The following NTRK3 variants were observed in gnomAD, a reference collection of about 807,000 sequenced individuals.
NTRK3 encodes the protein neurotrophic receptor tyrosine kinase 3.
Under a neutral mutation model 91.7 loss-of-function variants are expected in NTRK3, and 24 were observed. That is an observed-to-expected ratio of 0.26 (90% CI 0.19 to 0.37). The LOEUF (loss-of-function observed/expected upper bound fraction) is 0.37, where lower values mean the gene tolerates loss of function less well. Among genes scored for constraint, NTRK3 ranks in the 10% least tolerant of loss-of-function variants. The pLI, the probability that NTRK3 is intolerant of heterozygous loss-of-function variation, is 1.00. For missense variants in NTRK3, 880 were observed against 1,068.9 expected, an observed-to-expected ratio of 0.82 and a Z score of 2.46; for synonymous variants, 483 against 404.0, an observed-to-expected ratio of 1.20 and a Z score of -2.34.
intron 3 of NTRK3, among the ~76,000 whole-genome samples, chr15:88,202,890 C>G (rs1483317315): frequency 6.6e-6 from 1 of 152,216 alleles, no homozygotes; most frequent in Non-Finnish European, 1.5e-5. Flanking sequence ...ATGCCACTGG[C>G]CAGCAGGAGA....
chr15:87,948,828 T>C (rs1376894317), intron 14 of NTRK3, among the ~76,000 whole-genome samples: 2 of 152,240 alleles, frequency 1.3e-5, no homozygotes, highest in Non-Finnish European at 2.9e-5. Flanking sequence ...TCAGGATTTT[T>C]TACCTAAGAA....
chr15:87,967,745 C>T (rs1029718642), intron 14 of NTRK3, among the ~76,000 whole-genome samples: 3 of 152,194 alleles, frequency 2.0e-5, no homozygotes, highest in Non-Finnish European at 4.4e-5. Context: ...ACTCTGTTTT[C>T]TTATAATAGG....
intron 15 of NTRK3, among the ~76,000 whole-genome samples, chr15:87,939,093 G>A (rs2069561634): frequency 6.6e-6 from 1 of 152,114 alleles, no homozygotes; most frequent in African/African-American, 2.4e-5. Context: ...AGAGTTATAA[G>A]GCCCTCAAAG....
chr15:88,221,302 C>T (rs1010059431), intron 3 of NTRK3, among the ~76,000 whole-genome samples: 3 of 152,192 alleles, frequency 2.0e-5, no homozygotes, highest in Non-Finnish European at 4.4e-5. Flanking sequence ...GGATGGACAA[C>T]TTGAATCCTA....
chr15:87,982,132 C>T (rs559313610), intron 14 of NTRK3, among the ~76,000 whole-genome samples: 15 of 152,318 alleles, frequency 9.8e-5, no homozygotes, highest in Non-Finnish European at 2.1e-4. Flanking sequence ...CCTTCGTGAA[C>T]ATGAGCCCTT....
intron 14 of NTRK3, among the ~76,000 whole-genome samples, chr15:87,972,708 C>T (rs779522426): frequency 1.8e-4 from 28 of 152,130 alleles, no homozygotes; most frequent in Non-Finnish European, 3.5e-4. Context: ...AGCCAGGTGC[C>T]CATCTGGTCC....
chr15:88,080,512 G>A (rs2047949174), intron 13 of NTRK3, among the ~76,000 whole-genome samples: 1 of 152,204 alleles, frequency 6.6e-6, no homozygotes, highest in African/African-American at 2.4e-5. Flanking sequence ...GGAATTGCCT[G>A]TTCCTGCTTT....
intron 14 of NTRK3, among the ~76,000 whole-genome samples, chr15:88,023,366 G>T (rs1379427940): frequency 6.6e-6 from 1 of 152,052 alleles, no homozygotes; most frequent in Non-Finnish European, 1.5e-5. Flanking sequence ...GAATTCCTGG[G>T]GGTCTCCTAG....
chr15:88,141,978 C>T (rs2042427390), intron 6 of NTRK3, among the ~76,000 whole-genome samples: 1 of 152,224 alleles, frequency 6.6e-6, no homozygotes. Context: ...GGGTATTCCC[C>T]CCATCCTTCT....
rs550814557 is a variant in NTRK3 at position 88,233,673 on chromosome 15, C to T, written c.248+22233G>A. Among the ~76,000 whole-genome samples the T allele has an allele frequency of 5.9e-5, 9 of 152,050 alleles. No individual in the cohort carries two copies. Among genetic ancestry groups the T allele is most frequent in the African/African-American group, 9.7e-5 (4 of 41,388 alleles). ...CTTGGTTTCTTTTGCCTGGAGAGGT[C>T]CACCTCTTCAGAAAACTGCTCTCCT... On this transcript the variant is annotated intron_variant, in intron 3 of 18. Coordinates refer to ENST00000394480, the Ensembl canonical transcript of NTRK3. This position sits in a 1 kb window ranked among gnomAD's most constrained non-coding sequence, Gnocchi z 4.2.
intron 14 of NTRK3, among the ~76,000 whole-genome samples, chr15:88,003,371 C>G (rs1046554112): frequency 1.3e-5 from 2 of 152,218 alleles, no homozygotes; most frequent in African/African-American, 4.8e-5. Context: ...TGCGTCAGAG[C>G]TCCCTAGAGA....
At chr15:88,049,347 GTTTGC>G (rs1208381377) in intron 13 of NTRK3, among the ~76,000 whole-genome samples, 4 of 152,118 alleles carry the variant, frequency 2.6e-5, no homozygotes, top group African/African-American at 7.2e-5. Context: ...ATTTAAGCAG[GTTTGC>G]TTTATTATTT....
At chr15:88,254,978 G>C (rs2053861280) in intron 3 of NTRK3, among the ~76,000 whole-genome samples, 1 of 152,150 alleles carries the variant, frequency 6.6e-6, no homozygotes, top group Non-Finnish European at 1.5e-5. Context: ...TGCGTCTGCT[G>C]CCATCCCCAC....
intron 14 of NTRK3, among the ~76,000 whole-genome samples, chr15:88,015,391 C>T (rs777174552): frequency 3.9e-5 from 6 of 152,100 alleles, no homozygotes; most frequent in Non-Finnish European, 8.8e-5. Context: ...CCAGCCCTGC[C>T]CCCACCAAAC....
chr15:87,929,490 A>C (rs2068610301), intron 16 of NTRK3, 56 bp from the exon 17 acceptor site: 1 of 1,601,584 alleles, frequency 6.2e-7, no homozygotes, highest in East Asian at 2.2e-5. Context: ...GATCAAGGAG[A>C]AAGGCCTTCC....
intron 13 of NTRK3, among the ~76,000 whole-genome samples, chr15:88,081,216 G>C (rs1417991922): frequency 1.3e-5 from 2 of 152,114 alleles, no homozygotes; most frequent in Non-Finnish European, 2.9e-5. Flanking sequence ...CTAGAAATGA[G>C]ACAGAAAGCC....
intron 14 of NTRK3, among the ~76,000 whole-genome samples, chr15:87,945,986 A>G (rs1412329751): frequency 2.0e-5 from 3 of 152,196 alleles, no homozygotes; most frequent in Non-Finnish European, 4.4e-5. Flanking sequence ...AGATGATATA[A>G]AATATCTAAA....
chr15:87,978,714 T>C (rs2073935906), intron 14 of NTRK3: 1 of 233,510 alleles, frequency 4.3e-6, no homozygotes, highest in South Asian at 1.8e-4. Flanking sequence ...GGATGATTTT[T>C]CCACCGAAAA....
chr15:87,917,078 G>C (rs191671797), intron 17 of NTRK3, among the ~76,000 whole-genome samples: 2 of 152,278 alleles, frequency 1.3e-5, no homozygotes, highest in Admixed American at 1.3e-4. Context: ...GGCCATTTTG[G>C]TCACATTGAG....
Sources: gnomAD v4.1 joint callset for allele counts (sites outside exome capture counted in the v4.1 genomes callset) on GRCh38, gnomAD v4.1.1 for gene constraint, Gnocchi (gnomAD v3.1) non-coding constraint, MANE v1.5 for transcripts, NCBI Gene and HGNC (gene_info 2026-07-23, HGNC 2026-07-21) for gene names.